Variants in PBLD observed in about 807,000 individuals in gnomAD.
PBLD encodes phenazine biosynthesis like protein domain containing.
In PBLD, 26 loss-of-function variants were observed where a neutral mutation model predicts 31.3. The ratio of observed to expected loss-of-function variants is 0.83; its 90% CI spans 0.61 to 1.15. The LOEUF is 1.15. Among genes scored for constraint, PBLD ranks in the 50% most tolerant of loss-of-function variants. PBLD has a pLI of 0.00. For synonymous variants in PBLD, 114 were observed against 129.0 expected, an observed-to-expected ratio of 0.88 and a Z score of 0.79; for missense variants, 307 against 351.7, an observed-to-expected ratio of 0.87 and a Z score of 1.02.
At chr10:68,326,911 G>A (rs926330247) in intron 1 of PBLD, among the ~76,000 whole-genome samples, 1 of 152,186 alleles carries the variant, frequency 6.6e-6, no homozygotes, top group African/African-American at 2.4e-5. Context: ...GCTGGGTGTG[G>A]TGGCACATGC....
At chr10:68,327,131 G>A (rs1303186755) in intron 1 of PBLD, among the ~76,000 whole-genome samples, 2 of 152,118 alleles carry the variant, frequency 1.3e-5, no homozygotes, top group Non-Finnish European at 2.9e-5. Context: ...GCTGGTGTCA[G>A]AACTGGGACT....
chr10:68,329,991 T>C (rs1010894591), intron 1 of PBLD, among the ~76,000 whole-genome samples: 3 of 152,072 alleles, frequency 2.0e-5, no homozygotes, highest in African/African-American at 4.8e-5. Context: ...ATACTTATTT[T>C]TCAGGGTTGT....
Position 68,289,033 on chromosome 10 carries a change from C to A in PBLD, c.424-14G>T. ...GCCTATGGCAGTCTGTGGAGACAGACCAAAAACTCCTCAGGGACATGCCCT... is the reference window on the plus strand; with the variant it reads ...GCCTATGGCAGTCTGTGGAGACAGAACAAAAACTCCTCAGGGACATGCCCT... On this transcript the variant is annotated splice_polypyrimidine_tract_variant and intron_variant, in intron 6 of 9. Transcript: ENST00000358769. The A allele has an allele frequency of 6.2e-7, 1 of 1,604,136 alleles. No homozygotes were observed. The highest frequency in any genetic ancestry group is 1.1e-5 in the South Asian group (1 of 90,712).
intron 1 of PBLD, among the ~76,000 whole-genome samples, chr10:68,308,902 C>T (rs1404757626): frequency 8.5e-6 from 1 of 117,532 alleles, no homozygotes; most frequent in African/African-American, 3.1e-5. Context: ...GTGTTGAGAC[C>T]ATTCTCTTGA....
At chr10:68,290,534 A>G (rs988314291) in intron 6 of PBLD, among the ~76,000 whole-genome samples, 1 of 152,130 alleles carries the variant, frequency 6.6e-6, no homozygotes, top group African/African-American at 2.4e-5. Context: ...CCTGACCAAC[A>G]TGGAGACACC....
At chr10:68,329,283 A>T (rs2044974350) in intron 1 of PBLD, among the ~76,000 whole-genome samples, 1 of 152,000 alleles carries the variant, frequency 6.6e-6, no homozygotes, top group African/African-American at 2.4e-5. Flanking sequence ...ACACTGGCAG[A>T]GTGCCTGACC....
chr10:68,298,271 G>T (rs530025430), intron 2 of PBLD, among the ~76,000 whole-genome samples: 1 of 151,772 alleles, frequency 6.6e-6, no homozygotes, highest in African/African-American at 2.4e-5. Context: ...AAAAAGAAAA[G>T]AAAAAAGAAA....
At chr10:68,320,269 G>A (rs1424997309) in intron 1 of PBLD, among the ~76,000 whole-genome samples, 1 of 152,110 alleles carries the variant, frequency 6.6e-6, no homozygotes, top group Non-Finnish European at 1.5e-5. Context: ...GTTGTTAGTA[G>A]AAACAAAGAA....
chr10:68,291,989 G>A (rs1245756987), intron 6 of PBLD, 21 bp downstream of exon 6: 5 of 1,571,100 alleles, frequency 3.2e-6, no homozygotes, highest in African/African-American at 2.7e-5. Context: ...ACTAGGCTCA[G>A]GTTTGATTCT....
chr10:68,299,626 C>A (rs574638335), intron 2 of PBLD, among the ~76,000 whole-genome samples: 6 of 152,044 alleles, frequency 3.9e-5, no homozygotes, highest in Admixed American at 2.6e-4. Context: ...GAGGGCGAGG[C>A]GGGTAGATCA....
chr10:68,325,583 C>A (rs1050013573), intron 1 of PBLD, among the ~76,000 whole-genome samples: 1 of 152,100 alleles, frequency 6.6e-6, no homozygotes, highest in South Asian at 2.1e-4. Context: ...TACAAAAAAA[C>A]CCAAAAAGCA....
intron 4 of PBLD, 120 bp from the exon 5 acceptor site, chr10:68,292,358 G>A: frequency 2.3e-6 from 2 of 857,806 alleles, no homozygotes; most frequent in South Asian, 3.4e-5. Context: ...CTATGATGGA[G>A]CGAGGTTTGG....
At chr10:68,306,158 T>TATTCTATTAATATTTAACTATTCC (rs1260144248) in intron 2 of PBLD, among the ~76,000 whole-genome samples, 1 of 151,276 alleles carries the variant, frequency 6.6e-6, no homozygotes, top group African/African-American at 2.4e-5. Flanking sequence ...TCTATTTAAC[T>TATTCTATTAATATTTAACTATTCC]ATTAATATTT....
chr10:68,329,118 A>G (rs1355327313), intron 1 of PBLD, among the ~76,000 whole-genome samples: 1 of 152,192 alleles, frequency 6.6e-6, no homozygotes, highest in Admixed American at 6.5e-5. Context: ...ACCTCACGTG[A>G]TCCACCTGCC....
intron 1 of PBLD, among the ~76,000 whole-genome samples, chr10:68,313,006 C>T (rs550271515): frequency 4.1e-4 from 63 of 152,158 alleles, no homozygotes; most frequent in Non-Finnish European, 7.5e-4. Flanking sequence ...CCTCGACCTC[C>T]CCAGGCTCAG....
At chr10:68,285,104 C>A in intron 9 of PBLD, 1 of 1,313,742 alleles carries the variant, frequency 7.6e-7, no homozygotes, top group Non-Finnish European at 9.7e-7. Flanking sequence ...CTATTTTATT[C>A]AACAAACACT....
At chr10:68,302,165 G>A (rs1015874777) in intron 2 of PBLD, among the ~76,000 whole-genome samples, 1 of 152,126 alleles carries the variant, frequency 6.6e-6, no homozygotes, top group Non-Finnish European at 1.5e-5. Flanking sequence ...CTTTTCAAAC[G>A]CTGCACAAAA....
chr10:68,288,231 C>A, intron 8 of PBLD: 1 of 476,610 alleles, frequency 2.1e-6, no homozygotes, highest in Non-Finnish European at 3.7e-6. Context: ...TGCCCAAGGT[C>A]AAAAGCTAGG....
intron 4 of PBLD, among the ~76,000 whole-genome samples, chr10:68,293,237 C>T (rs115013774): frequency 1.4e-3 from 210 of 152,242 alleles, no homozygotes; most frequent in African/African-American, 4.7e-3. Context: ...GTCTAAGATA[C>T]GCCAAGGGAA....
Sources: gnomAD v4.1 joint callset for allele counts (sites outside exome capture counted in the v4.1 genomes callset) on GRCh38, gnomAD v4.1.1 for gene constraint, MANE v1.5 for transcripts, NCBI Gene and HGNC (gene_info 2026-07-23, HGNC 2026-07-21) for gene names.